CACNA1D: variants seen among roughly 807,000 people sequenced by gnomAD.
CACNA1D encodes calcium voltage-gated channel subunit alpha1 D.
In CACNA1D, 55 loss-of-function variants were observed where a neutral mutation model predicts 257.1. That is an observed-to-expected ratio of 0.21 (90% CI 0.17 to 0.27). The LOEUF is 0.27. Among genes scored for constraint, CACNA1D ranks in the 10% least tolerant of loss-of-function variants. The pLI, the probability that CACNA1D is intolerant of heterozygous loss-of-function variation, is 1.00. For missense variants in CACNA1D, 1,876 were observed against 2,784.0 expected (o/e 0.67, Z 7.34); for synonymous variants, 980 against 1,014.9 (o/e 0.97, Z 0.65).
intron 3 of CACNA1D, among the ~76,000 whole-genome samples, chr3:53,558,940 T>C (rs762743299): frequency 9.2e-5 from 14 of 152,190 alleles, no homozygotes; most frequent in Non-Finnish European, 2.1e-4. Context: ...CCAGTATTTC[T>C]TCAAGTATTT....
In CACNA1D at chr3:53,673,949, G is replaced by A. The variant is rs1336453874; in HGVS notation, c.1220+823G>A. ...GATGTCCTCTCAGTGTGTTGCTTTTGGATTGAACTGTGATTCTTTCTGCCT... is the reference window on the plus strand; with the variant it reads ...GATGTCCTCTCAGTGTGTTGCTTTTAGATTGAACTGTGATTCTTTCTGCCT... On this transcript the variant is annotated intron_variant, in intron 8 of 47. Coordinates refer to ENST00000350061, the MANE Select transcript of CACNA1D (RefSeq NM_001128840.3). The surrounding 1 kb of genome is among the most constrained non-coding windows in gnomAD (Gnocchi z 4.1). 15 of 727,952 alleles carry A rather than the reference G, an allele frequency of 2.1e-5. No individual in the cohort carries two copies. The highest frequency in any genetic ancestry group is 3.3e-5 in the Non-Finnish European group (13 of 390,684). The allele number at this position is 727,952 out of a possible 1,614,324, so 45.1% of individuals were successfully genotyped here. A position where few individuals can be genotyped will look rare whatever the true frequency, so the allele number is the denominator to read the frequency against.
chr3:53,623,715 A>G (rs1576132154), intron 3 of CACNA1D, among the ~76,000 whole-genome samples: 1 of 152,082 alleles, frequency 6.6e-6, no homozygotes, highest in African/African-American at 2.4e-5. Flanking sequence ...TCAGAAGAAT[A>G]CTTCCAGCGT....
intron 3 of CACNA1D, among the ~76,000 whole-genome samples, chr3:53,602,930 C>T (rs966889606): frequency 3.3e-5 from 5 of 152,172 alleles, no homozygotes; most frequent in Non-Finnish European, 7.3e-5. Flanking sequence ...GTTTCCTTTG[C>T]CGTGCAGTGG....
intron 3 of CACNA1D, among the ~76,000 whole-genome samples, chr3:53,542,872 A>G (rs918074807): frequency 6.6e-6 from 1 of 152,030 alleles, no homozygotes; most frequent in Non-Finnish European, 1.5e-5. Context: ...CCTGACCAAC[A>G]TGGAGAAACC....
intron 3 of CACNA1D, among the ~76,000 whole-genome samples, chr3:53,549,963 C>G (rs916268052): frequency 6.6e-6 from 1 of 152,168 alleles, no homozygotes; most frequent in Non-Finnish European, 1.5e-5. Flanking sequence ...TTGAGCAGTT[C>G]TGCAAATCCA....
intron 3 of CACNA1D, among the ~76,000 whole-genome samples, chr3:53,624,951 G>A (rs1378473198): frequency 6.6e-6 from 1 of 152,166 alleles, no homozygotes. Context: ...CTGATTAATT[G>A]CCACATTTGA....
Position 53,776,582 on chromosome 3 carries a change from CT to C in CACNA1D, c.4363-18del, listed in dbSNP as rs1294812010. The stretch of plus-strand genomic sequence containing the variant: ...AATCCAGCTGCAGCTGAAGTTCTTC[CT>C]TTCCTATTTGCTTTTTCAGATCATC... On this transcript the variant is annotated intron_variant, in intron 35 of 47. Transcript: ENST00000350061. 3.7e-6 allele frequency: 6 copies of C among 1,614,108 alleles called. No homozygotes were observed. In the South Asian group the frequency reaches 6.6e-5, roughly 18 times the overall value.
chr3:53,517,329 T>A (rs942773613), intron 3 of CACNA1D, among the ~76,000 whole-genome samples: 6 of 152,054 alleles, frequency 3.9e-5, no homozygotes, highest in African/African-American at 1.4e-4. Flanking sequence ...CCAGCACAGC[T>A]ATGGTGATTG....
chr3:53,581,578 A>G (rs757215514), intron 3 of CACNA1D, among the ~76,000 whole-genome samples: 3 of 152,240 alleles, frequency 2.0e-5, no homozygotes, highest in Non-Finnish European at 2.9e-5. Flanking sequence ...GGCCTAGTGC[A>G]CTATGAGACC....
chr3:53,710,680 A>G (rs2094744030), intron 9 of CACNA1D, among the ~76,000 whole-genome samples: 1 of 151,280 alleles, frequency 6.6e-6, no homozygotes, highest in Non-Finnish European at 1.5e-5. Flanking sequence ...TTTTGTTTGA[A>G]CTGTACCTTA....
intron 3 of CACNA1D, among the ~76,000 whole-genome samples, chr3:53,620,429 TACAGGCACACCAAC>T (rs2093683902): frequency 6.6e-6 from 1 of 152,210 alleles, no homozygotes. Context: ...TAGCTAGGAC[TACAGGCACACCAAC>T]ACACCTGGCT....
At chr3:53,517,260 C>T (rs918545233) in intron 3 of CACNA1D, among the ~76,000 whole-genome samples, 1 of 148,152 alleles carries the variant, frequency 6.7e-6, no homozygotes, top group Admixed American at 6.7e-5. Context: ...CCTAATTCCA[C>T]TCCATCTCTC....
chr3:53,521,690 C>A (rs184709448), intron 3 of CACNA1D, among the ~76,000 whole-genome samples: 47 of 152,226 alleles, frequency 3.1e-4, no homozygotes, highest in African/African-American at 1.1e-3. Flanking sequence ...AAGGAAGAGT[C>A]ATGTTAGAAA....
intron 35 of CACNA1D, among the ~76,000 whole-genome samples, chr3:53,776,282 A>T (rs531287683): frequency 6.6e-6 from 1 of 152,198 alleles, no homozygotes; most frequent in African/African-American, 2.4e-5. Flanking sequence ...CAATCACCTT[A>T]GCTTCTTAGG....
At chr3:53,802,740 C>T (rs535093947) in intron 43 of CACNA1D, among the ~76,000 whole-genome samples, 1 of 152,182 alleles carries the variant, frequency 6.6e-6, no homozygotes, top group Non-Finnish European at 1.5e-5. Context: ...GCCATGTGGG[C>T]CCAAGTTGGG....
intron 3 of CACNA1D, among the ~76,000 whole-genome samples, chr3:53,540,123 G>A (rs1206679442): frequency 6.8e-6 from 1 of 147,302 alleles, no homozygotes; most frequent in Non-Finnish European, 1.5e-5. Context: ...TTGTTTGTTT[G>A]TTTATTTATT....
chr3:53,570,929 G>T (rs779858248), intron 3 of CACNA1D, among the ~76,000 whole-genome samples: 1 of 152,232 alleles, frequency 6.6e-6, no homozygotes, highest in Non-Finnish European at 1.5e-5. Context: ...GCAGTGTGCA[G>T]AACTGGTCCA....
rs988164587 is a variant in CACNA1D, at chr3:53,673,037, G to A, written c.1131G>A (p.Met377Ile). 1.9e-6 allele frequency: 3 copies of A among 1,551,330 alleles called. No individual in the cohort carries two copies. The highest frequency in any genetic ancestry group is 2.6e-6 in the Non-Finnish European group (3 of 1,146,562). ...TDVLYWMNDA[M>I]GFELPWVYFV... ...ATTTCTTGCAGATGAATGATGCTAT[G>A]GGATTTGAATTGCCCTGGGTGTATT... The change falls in exon 8 of 48, where the codon ATG (methionine) becomes ATA (isoleucine). Residue 377 changes from methionine (M) to isoleucine (I), a missense_variant. Around this residue, in one of 10 missense-constraint regions of CACNA1D, gnomAD observed 188 missense variants for 390.4 expected, o/e 0.48. Coordinates refer to ENST00000350061, the MANE Select transcript of CACNA1D (RefSeq NM_001128840.3). The surrounding 1 kb of genome is among the most constrained non-coding windows in gnomAD (Gnocchi z 4.1).
chr3:53,656,086 C>G (rs990209100), intron 4 of CACNA1D, among the ~76,000 whole-genome samples: 1 of 152,138 alleles, frequency 6.6e-6, no homozygotes, highest in South Asian at 2.1e-4. Context: ...ATCAGATGGT[C>G]GTAGGTGTGT....
Sources: allele counts gnomAD v4.1 joint callset (sites outside exome capture counted in the v4.1 genomes callset), GRCh38; gene constraint gnomAD v4.1.1; regional missense constraint gnomAD v4.1.1; non-coding constraint Gnocchi (gnomAD v3.1); transcripts MANE v1.5; gene names NCBI Gene and HGNC (gene_info 2026-07-23, HGNC 2026-07-21).